CIB4: variants seen among roughly 807,000 people sequenced by gnomAD.
The protein encoded by CIB4 is calcium and integrin binding family member 4.
Under a neutral mutation model 25.8 loss-of-function variants are expected in CIB4, and 25 were observed. That is an observed-to-expected ratio of 0.97 (90% confidence interval 0.71 to 1.35). CIB4 has a LOEUF of 1.35. Among genes scored for constraint, CIB4 ranks in the 40% most tolerant of loss-of-function variants. CIB4 has a pLI of 0.00. For synonymous variants in CIB4, 75 were observed against 81.4 expected, an observed-to-expected ratio of 0.92 and a Z score of 0.42; for missense variants, 235 against 228.2, an observed-to-expected ratio of 1.03 and a Z score of -0.19.
chr2:26,598,804 G>T (rs116003174), intron 3 of CIB4, among the ~76,000 whole-genome samples: 4 of 152,150 alleles, frequency 2.6e-5, no homozygotes, highest in African/African-American at 9.7e-5. Flanking sequence ...AAGGGGCACC[G>T]ATAGTGCTGC....
At chr2:26,631,715 C>G (rs1669423257) in intron 2 of CIB4, among the ~76,000 whole-genome samples, 1 of 152,184 alleles carries the variant, frequency 6.6e-6, no homozygotes, top group African/African-American at 2.4e-5. Flanking sequence ...ACTCTGTGCC[C>G]TGGGAGGCTG....
intron 5 of CIB4, among the ~76,000 whole-genome samples, chr2:26,583,230 C>T (rs999586923): frequency 5.9e-5 from 9 of 152,144 alleles, no homozygotes; most frequent in Admixed American, 2.6e-4. Context: ...GGCAGGGAGG[C>T]GGTGGTGACT....
intron 2 of CIB4, among the ~76,000 whole-genome samples, chr2:26,637,215 G>A (rs147056084): frequency 7.7e-4 from 117 of 152,256 alleles, no homozygotes; most frequent in African/African-American, 2.8e-3. Flanking sequence ...CTGCCTTTCT[G>A]TTTTCACCTG....
At chr2:26,609,063 ACT>A (rs568995120) in intron 3 of CIB4, among the ~76,000 whole-genome samples, 489 of 152,284 alleles carry the variant, frequency 3.2e-3, no homozygotes, top group Middle Eastern at 0.01. Context: ...CAAATAAAGC[ACT>A]GTTGTTAAAT....
chr2:26,597,861 C>T (rs987458387), intron 3 of CIB4, among the ~76,000 whole-genome samples: 12 of 151,746 alleles, frequency 7.9e-5, no homozygotes, highest in African/African-American at 2.9e-4. Flanking sequence ...GAGAGCCGGC[C>T]TGAGACCCAG....
intron 2 of CIB4, among the ~76,000 whole-genome samples, chr2:26,629,727 T>A (rs957854649): frequency 1.7e-4 from 26 of 152,210 alleles, no homozygotes; most frequent in Admixed American, 1.2e-3. Flanking sequence ...CCCTCCAGTG[T>A]GCCAGGCACA....
In CIB4 at chr2:26,603,964, C is replaced by T. The variant is rs192658044; in HGVS notation, c.187-8647G>A. On this transcript the variant is annotated intron_variant, in intron 3 of 6. Transcript: ENST00000288861. ...ATTGCAATGAGCCAAGATTGTGCCA[C>T]TGCACTCCAGCCTGGGCAACAGAGC... Among the ~76,000 whole-genome samples, 1,357 of 147,918 alleles carry T rather than the reference C, an allele frequency of 9.2e-3. 11 individuals are homozygous for T. The highest frequency in any genetic ancestry group is 0.014 in the Middle Eastern group (4 of 286).
chr2:26,632,918 A>G (rs914190028), intron 2 of CIB4, among the ~76,000 whole-genome samples: 2 of 152,126 alleles, frequency 1.3e-5, no homozygotes, highest in African/African-American at 4.8e-5. Context: ...ACAAAAATTA[A>G]TGTTTTGGTT....
chr2:26,584,198 A>G (rs1356079194), intron 4 of CIB4, among the ~76,000 whole-genome samples: 2 of 152,214 alleles, frequency 1.3e-5, no homozygotes, highest in African/African-American at 4.8e-5. Context: ...ACCAAAAAGA[A>G]ACTGAGGCAC....
At chr2:26,590,964 G>T (rs1668576449) in intron 4 of CIB4, among the ~76,000 whole-genome samples, 1 of 152,184 alleles carries the variant, frequency 6.6e-6, no homozygotes, top group South Asian at 2.1e-4. Context: ...GGGGACAGTG[G>T]GTGTTCTCCC....
intron 3 of CIB4, among the ~76,000 whole-genome samples, chr2:26,619,421 C>T (rs952147287): frequency 3.3e-5 from 5 of 152,030 alleles, no homozygotes; most frequent in African/African-American, 9.7e-5. Flanking sequence ...GCTATATGTG[C>T]GGAAGATTCT....
At chr2:26,592,245 A>G (rs1668598510) in intron 4 of CIB4, among the ~76,000 whole-genome samples, 3 of 152,254 alleles carry the variant, frequency 2.0e-5, no homozygotes, top group Admixed American at 1.3e-4. Flanking sequence ...GACCCCAGCC[A>G]GAGAGCACTG....
At chr2:26,617,764 C>T (rs1022146728) in intron 3 of CIB4, among the ~76,000 whole-genome samples, 2 of 152,242 alleles carry the variant, frequency 1.3e-5, no homozygotes, top group Admixed American at 1.3e-4. Flanking sequence ...CTGCTTTCCT[C>T]CTGCTCAATC....
chr2:26,611,639 T>TA (rs915678442), intron 3 of CIB4, among the ~76,000 whole-genome samples: 75 of 152,014 alleles, frequency 4.9e-4, no homozygotes, highest in African/African-American at 1.5e-3. Context: ...ATGTCTAAAC[T>TA]AAAAAAAATT....
intron 3 of CIB4, among the ~76,000 whole-genome samples, chr2:26,605,086 A>AAT (rs1668862792): frequency 6.6e-6 from 1 of 152,228 alleles, no homozygotes; most frequent in Non-Finnish European, 1.5e-5. Flanking sequence ...TGTTATTTGA[A>AAT]CACAACAAAA....
chr2:26,581,475 G>A (rs997096688), intron 6 of CIB4, 82 bp from the exon 7 acceptor site: 8 of 1,400,898 alleles, frequency 5.7e-6, no homozygotes, highest in Admixed American at 1.7e-5. Context: ...TAGTCCTGGA[G>A]GCTCCCTCCC....
chr2:26,624,134 G>A (rs1470319337), intron 3 of CIB4, among the ~76,000 whole-genome samples: 4 of 152,104 alleles, frequency 2.6e-5, no homozygotes, highest in Admixed American at 6.6e-5. Context: ...TCCCAAGCCC[G>A]CTTTTTCCAC....
At chr2:26,638,001 C>A (rs1314297198) in intron 2 of CIB4, among the ~76,000 whole-genome samples, 2 of 152,188 alleles carry the variant, frequency 1.3e-5, no homozygotes, top group Non-Finnish European at 2.9e-5. Flanking sequence ...GTCCCCAACC[C>A]CACCACCCCC....
chr2:26,639,428 T>C (rs763891647), intron 2 of CIB4, among the ~76,000 whole-genome samples: 2 of 151,570 alleles, frequency 1.3e-5, no homozygotes, highest in Non-Finnish European at 2.9e-5. Context: ...CTCCCACTTA[T>C]GACTGAGAAC....
Sources: gnomAD v4.1 joint callset for allele counts (sites outside exome capture counted in the v4.1 genomes callset) on GRCh38, gnomAD v4.1.1 for gene constraint, MANE v1.5 for transcripts, NCBI Gene and HGNC (gene_info 2026-07-23, HGNC 2026-07-21) for gene names.